The following MYO16 variants were observed in gnomAD, a reference collection of about 807,000 sequenced individuals.
MYO16 encodes the protein myosin XVI.
A neutral mutation model predicts 205.3 loss-of-function variants in MYO16; 94 were observed. That is an observed-to-expected ratio of 0.46 (90% CI 0.39 to 0.54). The LOEUF (loss-of-function observed/expected upper bound fraction) is 0.54. MYO16 is among the 20% of genes least tolerant of loss of function. The pLI is 0.00. For synonymous variants in MYO16, 988 were observed against 954.0 expected, an observed-to-expected ratio of 1.04 and a Z score of -0.66; for missense variants, 2,315 against 2,387.5, an observed-to-expected ratio of 0.97 and a Z score of 0.63.
At chr13:108,798,917 G>A (rs1886885745) in intron 6 of MYO16, among the ~76,000 whole-genome samples, 1 of 144,912 alleles carries the variant, frequency 6.9e-6, no homozygotes, top group African/African-American at 2.6e-5. Context: ...TTGTTAGCCG[G>A]GATGGTCTCG....
At chr13:108,587,241 T>C in the MYO16 span, among the ~76,000 whole-genome samples, 1 of 151,994 alleles carries the variant, frequency 6.6e-6, no homozygotes, top group Non-Finnish European at 1.5e-5. Flanking sequence ...CTGTGAGGAG[T>C]CTGGCATCTC....
chr13:108,540,537 T>C, the MYO16 span, among the ~76,000 whole-genome samples: 1 of 152,146 alleles, frequency 6.6e-6, no homozygotes, highest in African/African-American at 2.4e-5. Context: ...GAAGAAACTA[T>C]TTAGAACTTG....
the MYO16 span, among the ~76,000 whole-genome samples, chr13:108,504,411 G>C: frequency 1.6e-3 from 236 of 152,146 alleles, 5 homozygotes; most frequent in South Asian, 0.047. Flanking sequence ...ATAGGCGTGA[G>C]CCACCACGCC....
At chr13:108,977,435 A>G (rs1884302949) in intron 20 of MYO16, among the ~76,000 whole-genome samples, 1 of 152,186 alleles carries the variant, frequency 6.6e-6, no homozygotes, top group African/African-American at 2.4e-5. Context: ...CTTGATTGCA[A>G]GCGAAGTCGA....
At chr13:109,144,047 G>C in intron 32 of MYO16, among the ~76,000 whole-genome samples, 1 of 149,326 alleles carries the variant, frequency 6.7e-6, no homozygotes, top group Non-Finnish European at 1.5e-5. Flanking sequence ...TTTTTTGACG[G>C]AGTTTTGCTC....
chr13:108,601,072 T>A (rs1333632263), intron 1 of MYO16, among the ~76,000 whole-genome samples: 1 of 152,128 alleles, frequency 6.6e-6, no homozygotes. Flanking sequence ...TTGACCCATA[T>A]AAAAGCCTTA....
chr13:108,753,142 G>T (rs1263839893), intron 4 of MYO16, among the ~76,000 whole-genome samples: 1 of 151,568 alleles, frequency 6.6e-6, no homozygotes, highest in African/African-American at 2.4e-5. Context: ...GGCCGAGGTG[G>T]GTGGATCACG....
At chr13:108,689,348 C>T (rs988059504) in intron 2 of MYO16, among the ~76,000 whole-genome samples, 1 of 152,038 alleles carries the variant, frequency 6.6e-6, no homozygotes, top group African/African-American at 2.4e-5. Flanking sequence ...TATTTAGCTA[C>T]ATTAAATAAC....
chr13:109,078,468 T>C (rs1594064974), intron 27 of MYO16, among the ~76,000 whole-genome samples: 3 of 152,124 alleles, frequency 2.0e-5, no homozygotes, highest in South Asian at 4.2e-4. Flanking sequence ...TTAACATATT[T>C]AGTTTTTCTT....
intron 2 of MYO16, among the ~76,000 whole-genome samples, chr13:108,668,710 T>G (rs1881851017): frequency 6.6e-6 from 1 of 152,290 alleles, no homozygotes; most frequent in Admixed American, 6.5e-5. Flanking sequence ...TGACTGAATC[T>G]TCTGCCTCCC....
At chr13:109,145,927 C>T (rs530024515) in intron 32 of MYO16, among the ~76,000 whole-genome samples, 5 of 152,244 alleles carry the variant, frequency 3.3e-5, no homozygotes, top group East Asian at 1.9e-4. Context: ...GCCGAATTAA[C>T]GAAAATCAGA....
At chr13:109,061,468 C>A (rs1308749977) in intron 27 of MYO16, among the ~76,000 whole-genome samples, 1 of 152,058 alleles carries the variant, frequency 6.6e-6, no homozygotes, top group Non-Finnish European at 1.5e-5. Flanking sequence ...GTGACCATTG[C>A]AAGTTTATTA....
At chr13:108,523,534 T>C in the MYO16 span, among the ~76,000 whole-genome samples, 4 of 152,178 alleles carry the variant, frequency 2.6e-5, no homozygotes, top group Non-Finnish European at 4.4e-5. Context: ...ACCTTCAATG[T>C]CTTCCCACCA....
chr13:108,803,191 G>T (rs1887016578), intron 6 of MYO16, among the ~76,000 whole-genome samples: 1 of 152,150 alleles, frequency 6.6e-6, no homozygotes, highest in Non-Finnish European at 1.5e-5. Context: ...ACCAGGCGGG[G>T]CCATCTTGGT....
At chr13:109,034,789 A>C (rs1033051326) in intron 23 of MYO16, among the ~76,000 whole-genome samples, 13 of 152,204 alleles carry the variant, frequency 8.5e-5, no homozygotes, top group Non-Finnish European at 1.6e-4. Flanking sequence ...ATCTAAATAG[A>C]TGCCCATTTA....
intron 21 of MYO16, among the ~76,000 whole-genome samples, chr13:108,993,849 T>C (rs1339769385): frequency 6.6e-6 from 1 of 152,102 alleles, no homozygotes; most frequent in East Asian, 1.9e-4. Flanking sequence ...TCAGTAGAGA[T>C]TCCTTATGTT....
chr13:108,592,736 G>GTGTGTGTGTGTT (rs1555330534), upstream of MYO16, among the ~76,000 whole-genome samples: 2 of 150,450 alleles, frequency 1.3e-5, no homozygotes, highest in Non-Finnish European at 3.0e-5. Flanking sequence ...GGCTGTGTGT[G>GTGTGTGTGTGTT]TGTGTGTGTG....
In MYO16 at chr13:109,023,575, A is replaced by G. The variant is rs1377676285; in HGVS notation, c.2796+3664A>G. 3.2e-5 allele frequency among the ~76,000 whole-genome samples: 4 copies of G among 125,600 alleles called. No homozygotes were observed. The East Asian group carries it at 6.9e-4, about 22-fold the overall frequency. The allele number at this position is 125,600 out of a possible 152,430, so 82.4% of individuals were successfully genotyped here. A position where few individuals can be genotyped will look rare whatever the true frequency, so the allele number is the denominator to read the frequency against. ...ATTTATTATATATACAAATACATGT[A>G]TATATTTATATATACAAATATAAAT... On this transcript the variant is annotated intron_variant, in intron 23 of 34. Transcript: ENST00000457511.
In MYO16 at chr13:109,141,583, A is replaced by G. The variant is rs1877100189; in HGVS notation, c.5164+207A>G. On this transcript the variant is annotated intron_variant, in intron 32 of 34. Transcript: ENST00000457511. This position sits in a 1 kb window ranked among gnomAD's most constrained non-coding sequence, Gnocchi z 4.1. ...AATTAATATTTCCATATTGCAGAAT[A>G]TGATAGGAAAGGCTCGTGATATAGA... Among the ~76,000 whole-genome samples the G allele has an allele frequency of 6.6e-6, 1 of 152,230 alleles. No homozygotes were observed. The highest frequency in any genetic ancestry group is 1.5e-5 in the Non-Finnish European group (1 of 68,044).
Sources: allele counts gnomAD v4.1 joint callset (sites outside exome capture counted in the v4.1 genomes callset), GRCh38; gene constraint gnomAD v4.1.1; non-coding constraint Gnocchi (gnomAD v3.1); transcripts MANE v1.5; gene names NCBI Gene and HGNC (gene_info 2026-07-23, HGNC 2026-07-21).